The following ADAMTSL1 variants were observed in gnomAD, a reference collection of about 807,000 sequenced individuals.
The protein encoded by ADAMTSL1 is ADAMTS-like protein 1.
In ADAMTSL1, 126 loss-of-function variants were observed where a neutral mutation model predicts 201.8. The observed-to-expected ratio is 0.62, with a 90% CI of 0.54 to 0.72. The LOEUF (loss-of-function observed/expected upper bound fraction) is 0.72, where lower values mean the gene tolerates loss of function less well. Among genes scored for constraint, ADAMTSL1 ranks in the 30% least tolerant of loss-of-function variants. The pLI is 0.00. For missense variants in ADAMTSL1, 2,679 were observed against 2,277.8 expected (o/e 1.18, Z -3.59); for synonymous variants, 1,121 against 903.4 (o/e 1.24, Z -4.32).
chr9:18,029,921 A>C (rs995459521), intron 1 of ADAMTSL1, among the ~76,000 whole-genome samples: 1 of 151,548 alleles, frequency 6.6e-6, no homozygotes, highest in African/African-American at 2.4e-5. Context: ...GGATGTGGAG[A>C]AATAGGAACA....
At chr9:18,670,865 C>A (rs538039882) in intron 9 of ADAMTSL1, among the ~76,000 whole-genome samples, 4 of 151,840 alleles carry the variant, frequency 2.6e-5, no homozygotes, top group African/African-American at 9.7e-5. Flanking sequence ...CCAGGACCCA[C>A]CCCACCCCCA....
At chr9:18,829,245 G>T (rs778276662) in intron 22 of ADAMTSL1, among the ~76,000 whole-genome samples, 2 of 152,156 alleles carry the variant, frequency 1.3e-5, no homozygotes, top group African/African-American at 4.8e-5. Flanking sequence ...ATGAAGCATC[G>T]CATAGCAACA....
At chr9:18,842,317 G>A (rs893472468) in intron 23 of ADAMTSL1, among the ~76,000 whole-genome samples, 43 of 152,152 alleles carry the variant, frequency 2.8e-4, no homozygotes, top group African/African-American at 9.9e-4. Flanking sequence ...TTCAGGAGCA[G>A]GTTGTTCAGT....
At chr9:17,925,040 CG>C (rs1826469055) in intron 1 of ADAMTSL1, among the ~76,000 whole-genome samples, 1 of 99,626 alleles carries the variant, frequency 1.0e-5, no homozygotes, top group Non-Finnish European at 2.1e-5. Context: ...AAAAAGTGGG[CG>C]AAGGACATGA....
rs1022552154 is a variant in ADAMTSL1, at chr9:18,293,376, G to T, written c.207+129395G>T. On this transcript the variant is annotated intron_variant, in intron 2 of 29. Coordinates refer to the ADAMTSL1 transcript ENST00000680146. ...CTACATTTGGTCCATGTAGTTTGGT[G>T]ACTTCTACAAGGAGGCATATGTCAT... Among the ~76,000 whole-genome samples the T allele has an allele frequency of 2.0e-5, 3 of 152,282 alleles. No individual in the cohort carries two copies. The South Asian group carries it at 6.2e-4, about 32-fold the overall frequency.
chr9:18,871,986 A>G (rs1827895433), intron 23 of ADAMTSL1, among the ~76,000 whole-genome samples: 1 of 152,088 alleles, frequency 6.6e-6, no homozygotes, highest in African/African-American at 2.4e-5. Flanking sequence ...TCCTACCCAC[A>G]ATGCTGGCTG....
intron 1 of ADAMTSL1, among the ~76,000 whole-genome samples, chr9:18,152,309 G>C (rs950367518): frequency 1.3e-5 from 2 of 151,972 alleles, no homozygotes; most frequent in African/African-American, 4.8e-5. Context: ...TGAGATTTTA[G>C]TAGAAGGAGA....
In ADAMTSL1 at chr9:18,845,269, A is replaced by T. The variant is rs934468; in HGVS notation, c.4249+15292A>T. ...CCTCACAAATCTCCATTGGAGGCAC[A>T]TGTCAGCCCCACAGAAAGCAAACAG... On this transcript the variant is annotated intron_variant, in intron 23 of 28. Coordinates refer to ENST00000380548, the MANE Select transcript of ADAMTSL1 (RefSeq NM_001040272.6). Among the ~76,000 whole-genome samples, 5 of 152,164 alleles carry T rather than the reference A, an allele frequency of 3.3e-5. No homozygotes were observed. The East Asian group carries it at 5.8e-4, about 18-fold the overall frequency.
chr9:18,862,054 G>C (rs578241405), intron 23 of ADAMTSL1, among the ~76,000 whole-genome samples: 2 of 152,302 alleles, frequency 1.3e-5, no homozygotes, highest in African/African-American at 4.8e-5. Context: ...GGAATTCCTA[G>C]TCAGCAGCGG....
intron 2 of ADAMTSL1, among the ~76,000 whole-genome samples, chr9:18,368,021 C>T (rs1327092879): frequency 1.1e-4 from 17 of 151,802 alleles, no homozygotes; most frequent in African/African-American, 2.9e-4. Context: ...TGCCTCAGCC[C>T]CCTGAGTAGC....
At chr9:18,906,433 G>A (rs960602503) in intron 27 of ADAMTSL1, among the ~76,000 whole-genome samples, 2 of 152,162 alleles carry the variant, frequency 1.3e-5, no homozygotes, top group South Asian at 2.1e-4. Context: ...TCCACATGGG[G>A]AGAGCTCATT....
intron 2 of ADAMTSL1, among the ~76,000 whole-genome samples, chr9:18,407,017 A>T (rs113381923): frequency 2.0e-5 from 3 of 152,362 alleles, no homozygotes; most frequent in African/African-American, 7.2e-5. Flanking sequence ...TTGAGTTTCT[A>T]TTAGGCAACA....
chr9:18,211,639 C>T (rs1031766280), intron 2 of ADAMTSL1, among the ~76,000 whole-genome samples: 1 of 152,168 alleles, frequency 6.6e-6, no homozygotes. Context: ...TCCAATGTGC[C>T]TTCAGTTGCA....
intron 1 of ADAMTSL1, among the ~76,000 whole-genome samples, chr9:17,986,391 T>C (rs1216482234): frequency 6.6e-6 from 1 of 152,000 alleles, no homozygotes; most frequent in Admixed American, 6.6e-5. Flanking sequence ...TCCAGGACTT[T>C]TGAAGACATA....
At chr9:18,486,670 C>T (rs948824250) in intron 1 of ADAMTSL1, among the ~76,000 whole-genome samples, 3 of 152,270 alleles carry the variant, frequency 2.0e-5, no homozygotes, top group Non-Finnish European at 2.9e-5. Flanking sequence ...GTGTTGACTG[C>T]ACTCCAGCCT....
chr9:18,901,384 G>A (rs7848851), intron 26 of ADAMTSL1, among the ~76,000 whole-genome samples: 19,191 of 152,016 alleles, frequency 0.13, 1,337 homozygotes, highest in Middle Eastern at 0.22. Context: ...GTAAATAGAC[G>A]GGCAGACATT....
At chr9:18,738,885 A>G (rs1588019914) in intron 15 of ADAMTSL1, among the ~76,000 whole-genome samples, 1 of 152,194 alleles carries the variant, frequency 6.6e-6, no homozygotes, top group African/African-American at 2.4e-5. Context: ...TATTATAACA[A>G]TGATAGCAAT....
rs190556787 is a variant in ADAMTSL1, at chr9:18,067,585, A to T, written c.88-96277A>T. Among the ~76,000 whole-genome samples the T allele has an allele frequency of 6.0e-4, 92 of 152,358 alleles. 1 individual carries two copies. The highest frequency in any genetic ancestry group is 2.2e-3 in the African/African-American group (90 of 41,588). ...GAGAATTACAGTCATGTTAATTCAT[A>T]TTCCAGTTTTCTTGAGGCCATTACC... On this transcript the variant is annotated intron_variant, in intron 1 of 29. Coordinates refer to the ADAMTSL1 transcript ENST00000680146.
chr9:17,922,170 G>A (rs1826330733), intron 1 of ADAMTSL1, among the ~76,000 whole-genome samples: 1 of 151,248 alleles, frequency 6.6e-6, no homozygotes, highest in Admixed American at 6.6e-5. Flanking sequence ...TTCTATATCA[G>A]TTTTAATGTT....
Sources: allele counts gnomAD v4.1 joint callset (sites outside exome capture counted in the v4.1 genomes callset), GRCh38; gene constraint gnomAD v4.1.1; transcripts MANE v1.5; gene names NCBI Gene and HGNC (gene_info 2026-07-23, HGNC 2026-07-21).